Variants in SYTL3 observed in about 807,000 individuals in gnomAD.
SYTL3 encodes synaptotagmin like 3.
SYTL3 carries 88 observed loss-of-function variants against 82.1 expected under a neutral mutation model. The ratio of observed to expected loss-of-function variants is 1.07; its 90% CI spans 0.90 to 1.28. The LOEUF (loss-of-function observed/expected upper bound fraction) is 1.28. Among genes scored for constraint, SYTL3 ranks in the 50% most tolerant of loss-of-function variants. The probability of loss-of-function intolerance (pLI) is 0.00; values close to 1 mark genes in which losing one functional copy is unlikely to be tolerated. For synonymous variants in SYTL3, 311 were observed against 289.4 expected, an observed-to-expected ratio of 1.07 and a Z score of -0.76; for missense variants, 831 against 757.6, an observed-to-expected ratio of 1.10 and a Z score of -1.14.
At chr6:158,687,217 G>A (rs1243185697) in intron 6 of SYTL3, among the ~76,000 whole-genome samples, 3 of 152,166 alleles carry the variant, frequency 2.0e-5, no homozygotes, top group Non-Finnish European at 4.4e-5. Context: ...GCTCGCCTGG[G>A]GCTGGGGGAT....
intron 5 of SYTL3, among the ~76,000 whole-genome samples, chr6:158,676,319 T>C (rs1235840989): frequency 2.6e-5 from 4 of 152,120 alleles, no homozygotes; most frequent in Admixed American, 6.5e-5. Flanking sequence ...ATTCCCTATT[T>C]AATAAATGGT....
chr6:158,720,387 CAA>C (rs942941132), intron 10 of SYTL3, among the ~76,000 whole-genome samples: 18 of 105,176 alleles, frequency 1.7e-4, no homozygotes, highest in African/African-American at 7.2e-4. Flanking sequence ...GCCTGGGTGA[CAA>C]GAGTGAAACT....
At chr6:158,747,471 C>A (rs1445647614) in intron 12 of SYTL3, among the ~76,000 whole-genome samples, 1 of 151,906 alleles carries the variant, frequency 6.6e-6, no homozygotes, top group African/African-American at 2.4e-5. Flanking sequence ...CTCAAGGAAT[C>A]CTCTCACTTC....
intron 5 of SYTL3, among the ~76,000 whole-genome samples, chr6:158,674,093 A>ATAG: frequency 8.4e-6 from 1 of 119,724 alleles, no homozygotes. Flanking sequence ...CAAAATAATA[A>ATAG]TAATAATAAT....
intron 8 of SYTL3, among the ~76,000 whole-genome samples, chr6:158,708,605 T>C (rs1439680816): frequency 6.6e-6 from 1 of 152,188 alleles, no homozygotes; most frequent in Non-Finnish European, 1.5e-5. Flanking sequence ...CTCTGTGTCA[T>C]CAGCGACCCT....
rs772502991 is a variant in SYTL3 at position 158,703,532 on chromosome 6, A to G, written c.395-3698A>G. On this transcript the variant is annotated intron_variant, in intron 6 of 17. Coordinates refer to ENST00000611299, the MANE Select transcript of SYTL3 (RefSeq NM_001242394.2). ...GCTTCTAGGAAGAAACAACTGAGGA[A>G]TCAAAGAGAAGAAGTGAAATGACAG... Among the ~76,000 whole-genome samples the G allele has an allele frequency of 5.6e-4, 85 of 152,352 alleles. 1 individual carries two copies. Among genetic ancestry groups the G allele is most frequent in the Middle Eastern group, 6.8e-3 (2 of 294 alleles).
intron 6 of SYTL3, among the ~76,000 whole-genome samples, chr6:158,694,699 T>C (rs6903405): frequency 0.41 from 62,660 of 152,080 alleles, 13,340 homozygotes; most frequent in Non-Finnish European, 0.47. Context: ...TACATGAATT[T>C]AACCTAGACA....
intron 6 of SYTL3, among the ~76,000 whole-genome samples, chr6:158,690,142 C>T (rs1308168561): frequency 6.6e-6 from 1 of 152,272 alleles, no homozygotes; most frequent in Non-Finnish European, 1.5e-5. Context: ...TCATAGAGGA[C>T]ACACGGTGCC....
rs187893472 is a variant in SYTL3, at chr6:158,728,663, G to A, written c.855+3026G>A. Among the ~76,000 whole-genome samples, 133 of 152,288 alleles carry A rather than the reference G, an allele frequency of 8.7e-4. 1 individual carries two copies. Among genetic ancestry groups the A allele is most frequent in the African/African-American group, 2.5e-3 (104 of 41,564 alleles). ...TTGTTTATTAAAAAACATTAAGGCC[G>A]GGCGCGGTGGCTCATGCCTGTAATC... On this transcript the variant is annotated intron_variant, in intron 11 of 17. Transcript: ENST00000611299.
intron 2 of SYTL3, among the ~76,000 whole-genome samples, chr6:158,658,135 G>T (rs900983144): frequency 1.3e-5 from 2 of 152,066 alleles, no homozygotes; most frequent in African/African-American, 4.8e-5. Flanking sequence ...CTCGTGATCC[G>T]CCTGCCTCAG....
chr6:158,646,518 C>T (rs890899934), upstream of SYTL3, among the ~76,000 whole-genome samples: 3 of 152,196 alleles, frequency 2.0e-5, no homozygotes, highest in African/African-American at 7.2e-5. Flanking sequence ...AGCTTTGCCT[C>T]AGACCCAAAT....
chr6:158,734,086 C>T (rs1785808687), intron 11 of SYTL3, among the ~76,000 whole-genome samples: 1 of 119,850 alleles, frequency 8.3e-6, no homozygotes, highest in Admixed American at 7.8e-5. Context: ...CAGAGCGAGA[C>T]CCTGTCTCAA....
At position 158,753,185 on chromosome 6, in the gene SYTL3, G is replaced by A. The variant is rs1183600895; in HGVS notation, c.1137+1155G>A. On this transcript the variant is annotated intron_variant, in intron 13 of 17. Coordinates refer to ENST00000611299, the MANE Select transcript of SYTL3 (RefSeq NM_001242394.2). ...CAACCTCCACCTCCCAGGTTCAAGC[G>A]ATTCTCCTGCCTCAGCCTCCTGAGT... Among the ~76,000 whole-genome samples, 6 of 147,824 alleles carry A rather than the reference G, an allele frequency of 4.1e-5. No individual in the cohort carries two copies. In the South Asian group the frequency reaches 1.1e-3, roughly 26 times the overall value.
At position 158,663,377 on chromosome 6, in the gene SYTL3, C is replaced by T. The variant is rs762716551; in HGVS notation, c.109C>T (p.Arg37Trp). The T allele has an allele frequency of 2.1e-5, 34 of 1,613,100 alleles. No homozygotes were observed. Among genetic ancestry groups the T allele is most frequent in the Admixed American group, 1.3e-4 (8 of 59,956 alleles). Reference protein sequence around the residue: ...AVQNTEEERTRKLKTHLQHLR... With the variant: ...AVQNTEEERTWKLKTHLQHLR... ...TCAAAACACAGAGGAGGAGAGGACA[C>T]GGTAGGCTGCCCTTCCCGGGGGGTC... is the stretch of plus-strand genomic sequence containing the variant. Residue 37 changes from arginine to tryptophan, a missense_variant and splice_region_variant, in exon 4 of 18, where the codon CGG becomes TGG. Coordinates refer to ENST00000611299, the MANE Select transcript of SYTL3 (RefSeq NM_001242394.2).
rs143597438 is a variant in SYTL3 at position 158,734,417 on chromosome 6, G to T, written c.855+8780G>T. Reference sequence around the variant, plus strand: ...GGCTTGGATCCACCCCATGACAGCCGGTGGGATCCTGTGTGACCTGCCCAC... The same window carrying T: ...GGCTTGGATCCACCCCATGACAGCCTGTGGGATCCTGTGTGACCTGCCCAC... On this transcript the variant is annotated intron_variant, in intron 11 of 17. Coordinates refer to ENST00000611299, the MANE Select transcript of SYTL3 (RefSeq NM_001242394.2). Among the ~76,000 whole-genome samples, 1,363 of 152,036 alleles carry T rather than the reference G, an allele frequency of 9.0e-3. 13 individuals carry two copies. The highest frequency in any genetic ancestry group is 0.03 in the African/African-American group (1,257 of 41,436).
At position 158,760,038 on chromosome 6, in the gene SYTL3, T is replaced by C. The variant is rs545721566; in HGVS notation, c.1309-602T>C. Among the ~76,000 whole-genome samples, 25 of 152,192 alleles carry C rather than the reference T, an allele frequency of 1.6e-4. No homozygotes were observed. The East Asian group carries it at 4.6e-3, about 28-fold the overall frequency. Reference sequence around the variant, plus strand: ...TCCCAATACTCTCCTCCCACCCCACTGGGAGAAGGATGGTGTGGATTTCAG... The same window carrying C: ...TCCCAATACTCTCCTCCCACCCCACCGGGAGAAGGATGGTGTGGATTTCAG... On this transcript the variant is annotated intron_variant, in intron 14 of 17. Coordinates refer to ENST00000611299, the MANE Select transcript of SYTL3 (RefSeq NM_001242394.2).
At position 158,691,530 on chromosome 6, in the gene SYTL3, C is replaced by T. The variant is rs190229265; in HGVS notation, c.394+8541C>T. 1.1e-4 allele frequency among the ~76,000 whole-genome samples: 17 copies of T among 152,238 alleles called. No homozygotes were observed. In the East Asian group the frequency reaches 3.3e-3, roughly 29 times the overall value. The stretch of plus-strand genomic sequence containing the variant: ...CTGCTAAGCGTATAGAAATGATGCC[C>T]TCTTCTGGCTCCTCCCTGTAAATGC... On this transcript the variant is annotated intron_variant, in intron 6 of 17. Transcript: ENST00000611299.
intron 10 of SYTL3, among the ~76,000 whole-genome samples, chr6:158,725,036 A>G (rs1784536891): frequency 6.6e-6 from 1 of 152,180 alleles, no homozygotes; most frequent in East Asian, 1.9e-4. Flanking sequence ...AAAGAAAGAA[A>G]AAATAAAAAA....
chr6:158,662,242 ATCT>A (rs746257790), intron 3 of SYTL3, among the ~76,000 whole-genome samples: 1 of 152,216 alleles, frequency 6.6e-6, no homozygotes, highest in African/African-American at 2.4e-5. Flanking sequence ...TATTGATTTG[ATCT>A]TCTGCATTTT....
Sources: allele counts gnomAD v4.1 joint callset (sites outside exome capture counted in the v4.1 genomes callset), GRCh38; gene constraint gnomAD v4.1.1; transcripts MANE v1.5; gene names NCBI Gene and HGNC (gene_info 2026-07-23, HGNC 2026-07-21).